The following ATP11A variants were observed in gnomAD, a reference collection of about 807,000 sequenced individuals.
ATP11A encodes phospholipid-transporting ATPase IH.
A neutral mutation model predicts 154.4 loss-of-function variants in ATP11A; 81 were observed. That is an observed-to-expected ratio of 0.52 (90% CI 0.44 to 0.63). ATP11A has a LOEUF of 0.63. Ranked by LOEUF, ATP11A falls within the 30% of genes least tolerant of loss-of-function variation. The probability of loss-of-function intolerance (pLI) is 0.00; values close to 1 mark genes in which losing one functional copy is unlikely to be tolerated. For missense variants in ATP11A, 1,316 were observed against 1,474.3 expected (o/e 0.89, Z 1.76); for synonymous variants, 623 against 585.9 (o/e 1.06, Z -0.91).
chr13:112,810,029 C>T (rs1408217416), intron 4 of ATP11A, among the ~76,000 whole-genome samples: 1 of 152,234 alleles, frequency 6.6e-6, no homozygotes, highest in African/African-American at 2.4e-5. Context: ...GCGTGGGTTA[C>T]TCAGATGCGG....
At chr13:112,721,708 C>T (rs898609764) in intron 1 of ATP11A, among the ~76,000 whole-genome samples, 2 of 152,208 alleles carry the variant, frequency 1.3e-5, no homozygotes, top group African/African-American at 4.8e-5. Context: ...GCTGGGCTTC[C>T]CGGGGTCATG....
At position 112,742,682 on chromosome 13, in the gene ATP11A, A is replaced by G. The variant is rs964311825; in HGVS notation, c.40-42453A>G. On this transcript the variant is annotated intron_variant, in intron 1 of 29. Coordinates refer to ENST00000375645, the MANE Select transcript of ATP11A (RefSeq NM_015205.3). ...GTCTCAGCCTGCTCCATTTTATTTCACTTAGATGGTATCCCCCGTGTGTGA... is the reference window on the plus strand; with the variant it reads ...GTCTCAGCCTGCTCCATTTTATTTCGCTTAGATGGTATCCCCCGTGTGTGA... Among the ~76,000 whole-genome samples, 5 of 152,098 alleles carry G rather than the reference A, an allele frequency of 3.3e-5. 1 individual carries two copies. The highest frequency in any genetic ancestry group is 1.2e-4 in the African/African-American group (5 of 41,498).
chr13:112,858,019 C>T (rs1281314890), intron 21 of ATP11A, 99 bp downstream of exon 21: 18 of 1,556,252 alleles, frequency 1.2e-5, no homozygotes, highest in South Asian at 7.8e-5. Context: ...AGGACACCCC[C>T]GTCACCACCC....
chr13:112,762,398 G>T (rs571848430), intron 1 of ATP11A, among the ~76,000 whole-genome samples: 2 of 152,302 alleles, frequency 1.3e-5, no homozygotes, highest in East Asian at 3.9e-4. Context: ...TGGAAAGACA[G>T]CAGCAGCCTG....
rs1269808753 is a variant in ATP11A at position 112,885,986 on chromosome 13, C to T, written c.*4120C>T. The T allele has an allele frequency of 1.3e-5, 2 of 152,358 alleles. No homozygotes were observed. Among genetic ancestry groups the T allele is most frequent in the African/African-American group, 4.8e-5 (2 of 41,472 alleles). 9.4% of individuals were successfully genotyped at this position (152,358 alleles called of 1,614,324 possible). On this transcript the variant is annotated 3_prime_UTR_variant, in exon 30 of 30. Transcript: ENST00000375645. Reference sequence around the variant, plus strand: ...GTCCAGCCTCGCAAGCTGAAACCTCCCCTCGGCTCAGCCCTATACCAGGCG... The same window carrying T: ...GTCCAGCCTCGCAAGCTGAAACCTCTCCTCGGCTCAGCCCTATACCAGGCG...
chr13:112,694,395 T>G (rs1181296608), intron 1 of ATP11A, among the ~76,000 whole-genome samples: 1 of 152,192 alleles, frequency 6.6e-6, no homozygotes, highest in African/African-American at 2.4e-5. Flanking sequence ...GCTGCTCAGC[T>G]ACCTGTGGGT....
intron 1 of ATP11A, among the ~76,000 whole-genome samples, chr13:112,738,598 T>C (rs1000831533): frequency 1.3e-5 from 2 of 152,166 alleles, no homozygotes; most frequent in African/African-American, 4.8e-5. Flanking sequence ...CTTTAAGCAT[T>C]GTGGGACAGG....
At chr13:112,776,980 C>T (rs114713749) in intron 1 of ATP11A, among the ~76,000 whole-genome samples, 1,710 of 152,322 alleles carry the variant, frequency 0.011, 23 homozygotes, top group African/African-American at 0.039. Flanking sequence ...CTGAGAGTGT[C>T]GCATCGTAGA....
chr13:112,830,467 T>G (rs1251613341), intron 12 of ATP11A, among the ~76,000 whole-genome samples: 3 of 152,100 alleles, frequency 2.0e-5, no homozygotes, highest in Non-Finnish European at 4.4e-5. Context: ...TCCCAGCTAC[T>G]CTGGTGGCTG....
intron 17 of ATP11A, among the ~76,000 whole-genome samples, chr13:112,843,175 C>T (rs2079475621): frequency 6.6e-6 from 1 of 152,116 alleles, no homozygotes; most frequent in East Asian, 1.9e-4. Flanking sequence ...TGACGCACGG[C>T]TGAGTGCACA....
chr13:112,752,332 G>T (rs950772903), intron 1 of ATP11A, among the ~76,000 whole-genome samples: 1 of 152,212 alleles, frequency 6.6e-6, no homozygotes, highest in Non-Finnish European at 1.5e-5. Flanking sequence ...CAGTCAGGAA[G>T]GCCTCCTGCG....
chr13:112,765,531 C>T (rs539056517), intron 1 of ATP11A, among the ~76,000 whole-genome samples: 10 of 152,318 alleles, frequency 6.6e-5, no homozygotes, highest in African/African-American at 1.4e-4. Context: ...GGCCTCTGAA[C>T]GAGGGAGAAT....
At chr13:112,852,022 G>C (rs1566572152) in intron 18 of ATP11A, among the ~76,000 whole-genome samples, 1 of 152,102 alleles carries the variant, frequency 6.6e-6, no homozygotes, top group Non-Finnish European at 1.5e-5. Context: ...AGATTTTCAG[G>C]TACCTCTAAG....
intron 3 of ATP11A, 91 bp from the exon 4 acceptor site, chr13:112,806,122 A>G: frequency 1.1e-6 from 1 of 888,708 alleles, no homozygotes; most frequent in Non-Finnish European, 1.8e-6. Context: ...AGTCAAAGCG[A>G]ATGGGAAGTG....
At chr13:112,734,740 A>G (rs764889900) in intron 1 of ATP11A, among the ~76,000 whole-genome samples, 5 of 152,298 alleles carry the variant, frequency 3.3e-5, no homozygotes, top group Non-Finnish European at 5.9e-5. Flanking sequence ...AAACTATCCT[A>G]TACCCTGTAC....
intron 1 of ATP11A, among the ~76,000 whole-genome samples, chr13:112,694,426 G>C (rs1885549378): frequency 6.6e-6 from 1 of 152,136 alleles, no homozygotes; most frequent in South Asian, 2.1e-4. Flanking sequence ...TGGCGTCGTG[G>C]GTCACAGGAG....
chr13:112,872,391 A>C (rs2080551514), intron 26 of ATP11A, among the ~76,000 whole-genome samples: 2 of 152,204 alleles, frequency 1.3e-5, no homozygotes, highest in Non-Finnish European at 2.9e-5. Flanking sequence ...TGGATGGATC[A>C]CCTGAGGTCA....
chr13:112,837,272 G>A (rs1014098759), intron 16 of ATP11A, among the ~76,000 whole-genome samples: 1 of 152,202 alleles, frequency 6.6e-6, no homozygotes, highest in African/African-American at 2.4e-5. Flanking sequence ...CCCCACAGTG[G>A]CCTTGTTCCC....
In ATP11A at chr13:112,842,313, G is replaced by A. The variant is rs1040896313; in HGVS notation, c.1743G>A (p.Ser581=). 10 of 1,611,846 alleles carry A rather than the reference G, an allele frequency of 6.2e-6. No homozygotes were observed. Among genetic ancestry groups the A allele is most frequent in the East Asian group, 4.5e-5 (2 of 44,868 alleles). The change falls in exon 17 of 30, where the codon TCG becomes TCA. Residue 581 remains serine (S), a synonymous_variant. Transcript: ENST00000375645. The stretch of plus-strand genomic sequence containing the variant: ...TGTTTTGCAAAGGAGCAGATTCTTC[G>A]ATATTCCCCCGAGTGATAGAAGGCA... ...IYLFCKGADS[S]IFPRVIEGKV... is the part of the protein sequence containing the mutation.
Sources: allele counts gnomAD v4.1 joint callset (sites outside exome capture counted in the v4.1 genomes callset), GRCh38; gene constraint gnomAD v4.1.1; transcripts MANE v1.5; gene names NCBI Gene and HGNC (gene_info 2026-07-23, HGNC 2026-07-21).